ING1: variants seen among roughly 807,000 people sequenced by gnomAD.
The protein encoded by ING1 is inhibitor of growth protein 1.
ING1 carries 4 observed loss-of-function variants against 23.1 expected under a neutral mutation model. The ratio of observed to expected loss-of-function variants is 0.17; its 90% CI spans 0.09 to 0.40. The LOEUF is 0.40. Among genes scored for constraint, ING1 ranks in the 10% least tolerant of loss-of-function variants. The probability of loss-of-function intolerance (pLI) is 1.00; values close to 1 mark genes in which losing one functional copy is unlikely to be tolerated. For missense variants in ING1, 256 were observed against 393.8 expected (o/e 0.65, Z 2.96); for synonymous variants, 179 against 166.4 (o/e 1.08, Z -0.58).
intron 1 of ING1, among the ~76,000 whole-genome samples, chr13:110,718,190 A>G (rs559076775): frequency 1.1e-4 from 17 of 152,350 alleles, no homozygotes; most frequent in African/African-American, 4.1e-4. Flanking sequence ...TTGTTTAAGC[A>G]GTAGATGCAA....
At chr13:110,713,501 G>A (rs1285320318), upstream of ING1, 3 of 986,798 alleles carry the variant, frequency 3.0e-6, no homozygotes, top group African/African-American at 5.2e-5. Flanking sequence ...TCCCCTCCGC[G>A]ACCCTCGCCT....
chr13:110,714,594 C>T (rs1388767160), intron 1 of ING1, among the ~76,000 whole-genome samples: 1 of 152,092 alleles, frequency 6.6e-6, no homozygotes, highest in African/African-American at 2.4e-5. Context: ...GGGTCCAAGC[C>T]GCGTCCTCTA....
intron 1 of ING1, among the ~76,000 whole-genome samples, chr13:110,714,720 C>G (rs2064088648): frequency 6.6e-6 from 1 of 152,202 alleles, no homozygotes; most frequent in African/African-American, 2.4e-5. Context: ...CCCGCGGACC[C>G]GGTGCCTCGG....
rs772317928 is a variant in ING1 at position 110,715,863 on chromosome 13, A to G, written c.136+1578A>G. 106 of 1,593,076 alleles carry G rather than the reference A, an allele frequency of 6.7e-5. 1 individual carries two copies. In the Admixed American group the frequency reaches 1.8e-3, roughly 27 times the overall value. ...CGGCCACTTTCGGGCGCGGATTTAT[A>G]GCAGTAGCAGTGATCCCGGGCCTGT... is the stretch of plus-strand genomic sequence containing the variant. On this transcript the variant is annotated intron_variant, in intron 1 of 1. Coordinates refer to ENST00000333219, the MANE Select transcript of ING1 (RefSeq NM_198219.3).
chr13:110,713,061 G>C, upstream of ING1: 1 of 1,459,486 alleles, frequency 6.9e-7, no homozygotes. Context: ...TTCCGCCCGT[G>C]CCCGGCCCTC....
At chr13:110,714,378 G>C in intron 1 of ING1, 93 bp downstream of exon 1, 1 of 1,209,998 alleles carries the variant, frequency 8.3e-7, no homozygotes, top group Non-Finnish European at 1.0e-6. Flanking sequence ...CCGTGGACCG[G>C]AGGAAGCGGC....
At chr13:110,717,282 G>A (rs2064131673) in intron 1 of ING1, among the ~76,000 whole-genome samples, 1 of 152,154 alleles carries the variant, frequency 6.6e-6, no homozygotes, top group South Asian at 2.1e-4. Flanking sequence ...ATTACTATAT[G>A]AGACTAGGGC....
chr13:110,713,081 C>T, upstream of ING1: 1 of 1,444,562 alleles, frequency 6.9e-7, no homozygotes, highest in South Asian at 1.4e-5. Context: ...CCCCTTCCTT[C>T]CGCCTCCCGG....
chr13:110,712,747 G>A (rs759190338), upstream of ING1: 6 of 701,196 alleles, frequency 8.6e-6, no homozygotes, highest in South Asian at 1.5e-5. Flanking sequence ...CTCCGAGAAC[G>A]GTGTCCATGA....
intron 1 of ING1, among the ~76,000 whole-genome samples, chr13:110,717,504 C>A: frequency 6.6e-6 from 1 of 152,194 alleles, no homozygotes; most frequent in African/African-American, 2.4e-5. Flanking sequence ...GACAATCCCT[C>A]CCACTCTCAG....
At chr13:110,715,848 CG>C in intron 1 of ING1, 1 of 1,593,682 alleles carries the variant, frequency 6.3e-7, no homozygotes. Context: ...CGGCCACTTT[CG>C]GGCGCGGATT....
chr13:110,715,661 G>C, intron 1 of ING1: 2 of 1,610,766 alleles, frequency 1.2e-6, no homozygotes, highest in South Asian at 2.2e-5. Flanking sequence ...CGCTGCTGGG[G>C]CGGGCCGTGC....
At chr13:110,715,596 A>G (rs1350199359) in intron 1 of ING1, 2 of 1,613,534 alleles carry the variant, frequency 1.2e-6, no homozygotes, top group African/African-American at 1.3e-5. Context: ...AGGGTGGACG[A>G]GTTGATTTGA....
rs549317782 is a variant in ING1 at position 110,718,401 on chromosome 13, G to C, written c.137-828G>C. ...ACTGCACTCCAGCCTGGGCGACAGA[G>C]ACGGACCTTGTCTCCAAAATAATAA... On this transcript the variant is annotated intron_variant, in intron 1 of 1. Coordinates refer to ENST00000333219, the MANE Select transcript of ING1 (RefSeq NM_198219.3). Among the ~76,000 whole-genome samples the C allele has an allele frequency of 2.0e-5, 3 of 152,338 alleles. No homozygotes were observed. The East Asian group carries it at 5.8e-4, about 29-fold the overall frequency.
At position 110,713,947 on chromosome 13, in the gene ING1, G is replaced by T. The variant is rs2064074255; in HGVS notation, c.-203G>T. ...CCGGGAGCCACCGCCACCGCGGCCC[G>T]CGCCCTCAGGCGCTGGGGTCCCCGC... On this transcript the variant is annotated 5_prime_UTR_variant, in exon 1 of 2. Coordinates refer to ENST00000333219, the MANE Select transcript of ING1 (RefSeq NM_198219.3). The T allele has an allele frequency of 2.0e-6, 2 of 1,011,830 alleles. No individual in the cohort carries two copies. Among genetic ancestry groups the T allele is most frequent in the South Asian group, 4.6e-5 (1 of 21,538 alleles). The allele number at this position is 1,011,830 out of a possible 1,614,324, so 62.7% of individuals were successfully genotyped here.
rs1727837001 is a variant in ING1 at position 110,713,794 on chromosome 13, G to A, written c.-356G>A. The A allele has an allele frequency of 3.0e-6, 3 of 984,656 alleles. 1 individual carries two copies. In the Middle Eastern group the frequency reaches 1.6e-3, roughly 515 times the overall value. The allele number at this position is 984,656 out of a possible 1,614,324, so 61.0% of individuals were successfully genotyped here. A position where few individuals can be genotyped will look rare whatever the true frequency, so the allele number is the denominator to read the frequency against. The stretch of plus-strand genomic sequence containing the variant: ...CTCCTCTCTTCTACCCAGCCCAGTG[G>A]GCGAGTGGGCAGCGGCGGCCGCGGC... On this transcript the variant is annotated 5_prime_UTR_variant, in exon 1 of 2. Transcript: ENST00000333219.
intron 1 of ING1, chr13:110,715,978 CG>C: frequency 1.3e-6 from 2 of 1,515,356 alleles, no homozygotes; most frequent in Non-Finnish European, 1.8e-6. Flanking sequence ...TCTGCTGACC[CG>C]AGGGTGGGGC....
chr13:110,720,109 A>C lies in ING1; in HGVS notation c.*177A>C, dbSNP rs1460952622. The C allele has an allele frequency of 1.9e-6, 1 of 513,160 alleles. No homozygotes were observed. The highest frequency in any genetic ancestry group is 3.4e-5 in the East Asian group (1 of 29,640). The allele number at this position is 513,160 out of a possible 1,614,324, so 31.8% of individuals were successfully genotyped here. A position where few individuals can be genotyped will look rare whatever the true frequency, so the allele number is the denominator to read the frequency against. ...GTTTGCCTTTTGTTTTCATTGGTACACGTGTAACAAGAAAGTGGTCTGTGG... is the reference window on the plus strand; with the variant it reads ...GTTTGCCTTTTGTTTTCATTGGTACCCGTGTAACAAGAAAGTGGTCTGTGG... On this transcript the variant is annotated 3_prime_UTR_variant, in exon 2 of 2. Coordinates refer to ENST00000333219, the MANE Select transcript of ING1 (RefSeq NM_198219.3).
chr13:110,714,010 C>A lies in ING1; in HGVS notation c.-140C>A. 8.5e-7 allele frequency: 1 copy of A among 1,178,086 alleles called. No individual in the cohort carries two copies. The highest frequency in any genetic ancestry group is 3.9e-5 in the East Asian group (1 of 25,914). 73.0% of individuals were successfully genotyped at this position (1,178,086 alleles called of 1,614,324 possible). A position where few individuals can be genotyped will look rare whatever the true frequency, so the allele number is the denominator to read the frequency against. On this transcript the variant is annotated 5_prime_UTR_variant, in exon 1 of 2. Transcript: ENST00000333219. ...GGCGGACGGGCTCGGCAGATGTAGC[C>A]GCCGGGCCGAAGCAGGAGCCGGCGG...
Sources: allele counts gnomAD v4.1 joint callset (sites outside exome capture counted in the v4.1 genomes callset), GRCh38; gene constraint gnomAD v4.1.1; transcripts MANE v1.5; gene names NCBI Gene and HGNC (gene_info 2026-07-23, HGNC 2026-07-21).